Variants in VWA8 observed in about 807,000 individuals in gnomAD.
The protein encoded by VWA8 is von Willebrand factor A domain-containing protein 8.
Under a neutral mutation model 241.5 loss-of-function variants are expected in VWA8, and 221 were observed. That is an observed-to-expected ratio of 0.91 (90% confidence interval 0.82 to 1.02). The LOEUF is 1.02. Among genes scored for constraint, VWA8 ranks in the 50% least tolerant of loss-of-function variants. The pLI is 0.00. For synonymous variants in VWA8, 852 were observed against 827.1 expected (o/e 1.03, Z -0.52); for missense variants, 2,322 against 2,328.7 (o/e 1.00, Z 0.06).
rs1210259933 is a variant in VWA8 at position 41,868,429 on chromosome 13, C to A, written c.1129G>T (p.Val377Leu). 1.9e-6 allele frequency: 3 copies of A among 1,613,962 alleles called. No homozygotes were observed. The change falls in exon 10 of 45, where the codon GTA becomes TTA. Residue 377 changes from valine to leucine, a missense_variant. Val to Leu is a conservative substitution (Grantham distance 32). Transcript: ENST00000379310. Reference sequence around the variant, plus strand: ...TTTTCCATCATCTTCTCTACTTTTACAATCTCTTTAGGAAGTAGAGAGCTT... The same window carrying A: ...TTTTCCATCATCTTCTCTACTTTTAAAATCTCTTTAGGAAGTAGAGAGCTT... ...SGSSLLPKEI[V>L]KVEKMMENHV... is the part of the protein sequence containing the mutation.
At chr13:41,798,915 C>G (rs1167789524) in intron 17 of VWA8, among the ~76,000 whole-genome samples, 2 of 152,108 alleles carry the variant, frequency 1.3e-5, no homozygotes, top group African/African-American at 4.8e-5. Context: ...TAATTAAGTG[C>G]TTATTGAATT....
chr13:41,839,436 GGTT>G (rs1368733374), intron 12 of VWA8, among the ~76,000 whole-genome samples: 1 of 152,106 alleles, frequency 6.6e-6, no homozygotes, highest in Non-Finnish European at 1.5e-5. Flanking sequence ...CCATTTTGTA[GGTT>G]GGCTGCTCAC....
intron 21 of VWA8, among the ~76,000 whole-genome samples, chr13:41,759,053 G>A (rs2045720193): frequency 6.6e-6 from 1 of 151,368 alleles, no homozygotes; most frequent in Non-Finnish European, 1.5e-5. Context: ...TGTTGAATTT[G>A]ATTTGTTAAC....
At chr13:41,945,060 G>A (rs995426796) in intron 2 of VWA8, among the ~76,000 whole-genome samples, 5 of 152,162 alleles carry the variant, frequency 3.3e-5, no homozygotes, top group Admixed American at 2.6e-4. Context: ...CTAATCTTGA[G>A]GGTCCACACA....
In VWA8 at chr13:41,907,713, G is replaced by T. The variant is rs1346417285; in HGVS notation, c.373-17C>A. 7 of 1,599,556 alleles carry T rather than the reference G, an allele frequency of 4.4e-6. No individual in the cohort carries two copies. Among genetic ancestry groups the T allele is most frequent in the Non-Finnish European group, 6.0e-6 (7 of 1,167,404 alleles). Reference sequence around the variant, plus strand: ...GGTCAGCTCCTGTAGAGAAGAGAATGAAATTATTCCAAAAATAAAATCAAA... The same window carrying T: ...GGTCAGCTCCTGTAGAGAAGAGAATTAAATTATTCCAAAAATAAAATCAAA... On this transcript the variant is annotated splice_polypyrimidine_tract_variant and intron_variant, in intron 3 of 44. Coordinates refer to ENST00000379310, the MANE Select transcript of VWA8 (RefSeq NM_015058.2).
chr13:41,891,294 A>G (rs556327648), intron 5 of VWA8, 126 bp downstream of exon 5: 20 of 1,155,056 alleles, frequency 1.7e-5, no homozygotes, highest in Admixed American at 2.3e-5. Flanking sequence ...GACTCTAGCA[A>G]TTTACCCAAG....
chr13:41,772,805 C>T (rs2045834487), intron 20 of VWA8, among the ~76,000 whole-genome samples: 1 of 152,138 alleles, frequency 6.6e-6, no homozygotes, highest in East Asian at 1.9e-4. Context: ...GATGTAAAAT[C>T]TTTTCTAGTA....
intron 19 of VWA8, among the ~76,000 whole-genome samples, chr13:41,778,900 G>A (rs1593766393): frequency 7.4e-6 from 1 of 135,728 alleles, no homozygotes; most frequent in African/African-American, 2.8e-5. Flanking sequence ...GGAGTGCAGT[G>A]GCGCGATCTC....
intron 37 of VWA8, among the ~76,000 whole-genome samples, chr13:41,659,208 C>T (rs751404866): frequency 6.6e-6 from 1 of 152,178 alleles, no homozygotes; most frequent in Non-Finnish European, 1.5e-5. Context: ...TTTCCTACCT[C>T]TCCAGTCAGA....
intron 27 of VWA8, 92 bp from the exon 28 acceptor site, chr13:41,701,622 T>C (rs928354634): frequency 8.9e-6 from 11 of 1,242,450 alleles, no homozygotes; most frequent in African/African-American, 1.5e-5. Context: ...ACTTTAACAT[T>C]CAAGTATTTA....
Position 41,690,218 on chromosome 13 carries a change from C to A in VWA8, c.3924G>T (p.Gln1308His). ...GCGGCTCCTCTTTCAGCACATACAA[C>A]TGGCAAACCCCACTACCCTCAGATT... Reference protein sequence around the residue: ...HIESEGSGVCQLYVLKEEPPS... With the variant: ...HIESEGSGVCHLYVLKEEPPS... The change falls in exon 33 of 45, where the codon CAG (glutamine) becomes CAT (histidine). Residue 1308 changes from glutamine (Q) to histidine (H), a missense_variant. Physicochemically the swap from Gln to His is conservative, Grantham distance 24. Coordinates refer to ENST00000379310, the MANE Select transcript of VWA8 (RefSeq NM_015058.2). The A allele has an allele frequency of 6.2e-7, 1 of 1,612,778 alleles. No homozygotes were observed. Among genetic ancestry groups the A allele is most frequent in the Non-Finnish European group, 8.5e-7 (1 of 1,179,084 alleles).
chr13:41,919,134 G>C (rs1013059320), intron 2 of VWA8, among the ~76,000 whole-genome samples: 1 of 152,164 alleles, frequency 6.6e-6, no homozygotes, highest in Non-Finnish European at 1.5e-5. Flanking sequence ...AAAGGAGTAG[G>C]AGAAATCCTG....
chr13:41,737,249 T>G (rs1488864733), intron 21 of VWA8, among the ~76,000 whole-genome samples: 1 of 152,206 alleles, frequency 6.6e-6, no homozygotes, highest in Non-Finnish European at 1.5e-5. Context: ...AAGATATTTT[T>G]CAAGTGAAGA....
intron 17 of VWA8, among the ~76,000 whole-genome samples, chr13:41,792,830 T>G (rs1437570135): frequency 6.6e-6 from 1 of 152,116 alleles, no homozygotes; most frequent in African/African-American, 2.4e-5. Context: ...TCTACTATTA[T>G]TTTGAATGAA....
intron 21 of VWA8, among the ~76,000 whole-genome samples, chr13:41,734,355 C>T (rs2045508953): frequency 6.6e-6 from 1 of 151,990 alleles, no homozygotes; most frequent in Non-Finnish European, 1.5e-5. Flanking sequence ...ACAAATGGTG[C>T]ATTCTAAGGA....
At chr13:41,877,410 C>T (rs371354302) in intron 9 of VWA8, among the ~76,000 whole-genome samples, 3 of 151,350 alleles carry the variant, frequency 2.0e-5, no homozygotes, top group Admixed American at 6.6e-5. Flanking sequence ...AAAAAAAAAA[C>T]AAAACACATA....
At chr13:41,932,358 C>T (rs950286512) in intron 2 of VWA8, among the ~76,000 whole-genome samples, 17 of 152,018 alleles carry the variant, frequency 1.1e-4, no homozygotes, top group Admixed American at 1.1e-3. Flanking sequence ...AAGATGGCTT[C>T]ACTGATGAAT....
At chr13:41,575,419 T>A (rs2044344300) in intron 43 of VWA8, among the ~76,000 whole-genome samples, 1 of 151,968 alleles carries the variant, frequency 6.6e-6, no homozygotes, top group Admixed American at 6.6e-5. Flanking sequence ...AATAAAAAAA[T>A]TTTAAAAGGG....
At chr13:41,794,417 A>G (rs981748579) in intron 17 of VWA8, among the ~76,000 whole-genome samples, 1 of 152,144 alleles carries the variant, frequency 6.6e-6, no homozygotes, top group Admixed American at 6.5e-5. Flanking sequence ...GAGTTCATTC[A>G]TGATTTGGCT....
Sources: allele counts gnomAD v4.1 joint callset (sites outside exome capture counted in the v4.1 genomes callset), GRCh38; gene constraint gnomAD v4.1.1; transcripts MANE v1.5; gene names NCBI Gene and HGNC (gene_info 2026-07-23, HGNC 2026-07-21).